DST: variants seen among roughly 807,000 people sequenced by gnomAD.
DST encodes dystonin, also known as bullous pemphigoid antigen.
A neutral mutation model predicts 875.2 loss-of-function variants in DST; 253 were observed. That is an observed-to-expected ratio of 0.29 (90% CI 0.26 to 0.32). DST has a LOEUF of 0.32. Among genes scored for constraint, DST ranks in the 10% least tolerant of loss-of-function variants. DST has a pLI of 1.00. For synonymous variants in DST, 3,124 were observed against 3,197.1 expected, an observed-to-expected ratio of 0.98 and a Z score of 0.77; for missense variants, 8,287 against 9,111.6, an observed-to-expected ratio of 0.91 and a Z score of 3.68.
intron 4 of DST, among the ~76,000 whole-genome samples, chr6:56,781,706 C>A (rs1422453826): frequency 6.6e-6 from 1 of 152,130 alleles, no homozygotes; most frequent in East Asian, 1.9e-4. Flanking sequence ...TAATTGAATA[C>A]CCTTTATTTC....
chr6:56,538,704 C>G (rs1180664242), intron 61 of DST, among the ~76,000 whole-genome samples: 1 of 152,066 alleles, frequency 6.6e-6, no homozygotes, highest in Non-Finnish European at 1.5e-5. Flanking sequence ...CTCAAACTAC[C>G]TTTTCCACAG....
intron 9 of DST, among the ~76,000 whole-genome samples, chr6:56,691,525 T>C (rs1438927736): frequency 1.3e-5 from 2 of 152,206 alleles, no homozygotes; most frequent in Non-Finnish European, 2.9e-5. Flanking sequence ...AAATATTCTT[T>C]ATGTTCAGAT....
intron 4 of DST, among the ~76,000 whole-genome samples, chr6:56,747,180 T>C (rs559013396): frequency 4.6e-5 from 7 of 152,204 alleles, no homozygotes; most frequent in African/African-American, 1.4e-4. Flanking sequence ...TTGTCAGCAT[T>C]TGTCATGAAT....
chr6:56,883,749 T>C (rs1325433721), intron 3 of DST, among the ~76,000 whole-genome samples: 1 of 152,178 alleles, frequency 6.6e-6, no homozygotes, highest in African/African-American at 2.4e-5. Flanking sequence ...ATTTCAACTA[T>C]ACCCCTATCC....
chr6:56,638,582 TC>T (rs1409993318), intron 22 of DST, among the ~76,000 whole-genome samples: 1 of 152,090 alleles, frequency 6.6e-6, no homozygotes, highest in Non-Finnish European at 1.5e-5. Context: ...TCTTACATAA[TC>T]CCCCTATTCT....
At chr6:56,490,134 C>G (rs1210571420) in intron 85 of DST, among the ~76,000 whole-genome samples, 1 of 152,100 alleles carries the variant, frequency 6.6e-6, no homozygotes, top group Admixed American at 6.6e-5. Flanking sequence ...CTATTTAATG[C>G]AAAGATAGTT....
intron 4 of DST, among the ~76,000 whole-genome samples, chr6:56,836,391 A>G (rs1404733192): frequency 2.6e-5 from 4 of 152,218 alleles, no homozygotes; most frequent in African/African-American, 9.6e-5. Flanking sequence ...GCATATGAGT[A>G]GGTTGACATA....
At chr6:56,581,785 T>G (rs756895812) in intron 49 of DST, among the ~76,000 whole-genome samples, 14 of 152,236 alleles carry the variant, frequency 9.2e-5, no homozygotes, top group Non-Finnish European at 1.6e-4. Flanking sequence ...GCTTTCCAAC[T>G]GCCTCTTGAG....
chr6:56,648,126 G>C (rs979835164), intron 13 of DST, among the ~76,000 whole-genome samples: 1 of 152,176 alleles, frequency 6.6e-6, no homozygotes, highest in Non-Finnish European at 1.5e-5. Flanking sequence ...GTGAAATACT[G>C]TGTACCTCTT....
chr6:56,629,240 G>T lies in DST; in HGVS notation c.4475+10C>A. The T allele has an allele frequency of 6.2e-7, 1 of 1,613,268 alleles. No homozygotes were observed. The highest frequency in any genetic ancestry group is 8.5e-7 in the Non-Finnish European group (1 of 1,179,436). ...ATCTGTGCTAAAACTGAACAAAAAAGGATACTAACCTGTTGTCAATCTGCA... is the reference window on the plus strand; with the variant it reads ...ATCTGTGCTAAAACTGAACAAAAAATGATACTAACCTGTTGTCAATCTGCA... On this transcript the variant is annotated intron_variant, in intron 32 of 103. Coordinates refer to ENST00000680361, the MANE Select transcript of DST (RefSeq NM_001374736.1).
intron 4 of DST, among the ~76,000 whole-genome samples, chr6:56,838,931 T>C (rs1210788443): frequency 6.6e-6 from 1 of 152,258 alleles, no homozygotes; most frequent in East Asian, 1.9e-4. Flanking sequence ...TTAATATGTA[T>C]CCAAATTTTA....
At chr6:56,787,299 C>T (rs1444422739) in intron 4 of DST, among the ~76,000 whole-genome samples, 1 of 152,148 alleles carries the variant, frequency 6.6e-6, no homozygotes, top group South Asian at 2.1e-4. Flanking sequence ...AAAAATAAGG[C>T]TGTGTCTATT....
chr6:56,663,138 G>A (rs2099053831), intron 10 of DST, among the ~76,000 whole-genome samples: 2 of 152,100 alleles, frequency 1.3e-5, no homozygotes, highest in African/African-American at 4.8e-5. Context: ...CAAACTGTAG[G>A]TAAAACCATA....
intron 58 of DST, 33 bp from the exon 59 acceptor site, chr6:56,557,551 ATT>A (rs759973359): frequency 6.5e-7 from 1 of 1,528,378 alleles, no homozygotes; most frequent in Non-Finnish European, 8.9e-7. Context: ...GGTGTTTGAC[ATT>A]TTTTGCATTT....
At chr6:56,534,811 A>G (rs2096965016) in intron 63 of DST, among the ~76,000 whole-genome samples, 1 of 152,026 alleles carries the variant, frequency 6.6e-6, no homozygotes, top group Non-Finnish European at 1.5e-5. Flanking sequence ...TCACTTGCTA[A>G]CTTATCACCA....
At chr6:56,655,555 T>C (rs943702362) in intron 10 of DST, among the ~76,000 whole-genome samples, 2 of 152,204 alleles carry the variant, frequency 1.3e-5, no homozygotes, top group Non-Finnish European at 2.9e-5. Context: ...ATTATTTATG[T>C]GGATACAAAC....
chr6:56,486,096 G>C (rs1043126803), intron 87 of DST, among the ~76,000 whole-genome samples: 2 of 152,126 alleles, frequency 1.3e-5, no homozygotes, highest in Non-Finnish European at 2.9e-5. Context: ...AGGCGCAGTG[G>C]CTCACGCCTG....
chr6:56,948,079 G>C (rs539932069), intron 2 of DST, among the ~76,000 whole-genome samples: 10 of 152,238 alleles, frequency 6.6e-5, no homozygotes, highest in Non-Finnish European at 1.3e-4. Flanking sequence ...TCCTAACTAA[G>C]CACTCATCAT....
intron 16 of DST, 70 bp downstream of exon 16, chr6:56,642,340 A>C: frequency 8.8e-7 from 1 of 1,140,288 alleles, no homozygotes; most frequent in Non-Finnish European, 1.3e-6. Flanking sequence ...CATTATGTAA[A>C]AGTTTTAGTT....
Sources: allele counts gnomAD v4.1 joint callset (sites outside exome capture counted in the v4.1 genomes callset), GRCh38; gene constraint gnomAD v4.1.1; transcripts MANE v1.5; gene names NCBI Gene and HGNC (gene_info 2026-07-23, HGNC 2026-07-21).